The following DIAPH3 variants were observed in gnomAD, a reference collection of about 807,000 sequenced individuals.
DIAPH3 encodes the protein diaphanous related formin 3.
In DIAPH3, 117 loss-of-function variants were observed where a neutral mutation model predicts 144.3. That is an observed-to-expected ratio of 0.81 (90% CI 0.70 to 0.95). The LOEUF (loss-of-function observed/expected upper bound fraction) is 0.95. Among genes scored for constraint, DIAPH3 ranks in the 40% least tolerant of loss-of-function variants. The probability of loss-of-function intolerance (pLI) is 0.00; values close to 1 mark genes in which losing one functional copy is unlikely to be tolerated. For missense variants in DIAPH3, 1,421 were observed against 1,412.7 expected (o/e 1.01, Z -0.09); for synonymous variants, 519 against 488.9 (o/e 1.06, Z -0.81).
At chr13:60,147,038 C>T (rs1951560326) in intron 1 of DIAPH3, among the ~76,000 whole-genome samples, 1 of 152,140 alleles carries the variant, frequency 6.6e-6, no homozygotes, top group Non-Finnish European at 1.5e-5. Flanking sequence ...ATAAAATGTC[C>T]ATGTTATCTA....
At chr13:60,060,659 CT>C (rs1404197822) in intron 4 of DIAPH3, among the ~76,000 whole-genome samples, 1 of 152,024 alleles carries the variant, frequency 6.6e-6, no homozygotes, top group African/African-American at 2.4e-5. Context: ...TCTCATACGC[CT>C]TTTATATTTC....
chr13:60,021,084 T>G (rs148627437), intron 5 of DIAPH3: 4 of 152,216 alleles, frequency 2.6e-5, no homozygotes, highest in Non-Finnish European at 5.9e-5. Flanking sequence ...GGACTAAGCA[T>G]GTGTAGTAAA....
chr13:59,836,103 GT>G (rs1794301250), intron 23 of DIAPH3, among the ~76,000 whole-genome samples: 1 of 151,772 alleles, frequency 6.6e-6, no homozygotes, highest in Non-Finnish European at 1.5e-5. Context: ...AGCAAAATAA[GT>G]TTTTCTGAAA....
intron 2 of DIAPH3, among the ~76,000 whole-genome samples, chr13:60,122,149 C>T (rs1218082048): frequency 6.6e-6 from 1 of 152,142 alleles, no homozygotes; most frequent in Non-Finnish European, 1.5e-5. Flanking sequence ...AACATATTTC[C>T]TCTCTAGACA....
At chr13:59,763,155 T>C (rs1168362897) in intron 27 of DIAPH3, among the ~76,000 whole-genome samples, 1 of 152,164 alleles carries the variant, frequency 6.6e-6, no homozygotes, top group Non-Finnish European at 1.5e-5. Context: ...TCTGCTACCT[T>C]GTTTTCCATA....
chr13:60,139,617 G>C (rs1045049247), intron 1 of DIAPH3, among the ~76,000 whole-genome samples: 1 of 152,126 alleles, frequency 6.6e-6, no homozygotes, highest in Non-Finnish European at 1.5e-5. Context: ...GTTTAAGGAG[G>C]CAACATACCT....
chr13:60,028,924 T>G (rs2054580472), intron 5 of DIAPH3, among the ~76,000 whole-genome samples: 1 of 151,874 alleles, frequency 6.6e-6, no homozygotes. Flanking sequence ...CCAGGTGTGG[T>G]GGCATGCGCC....
At chr13:59,877,458 T>C (rs1753822027) in intron 21 of DIAPH3, among the ~76,000 whole-genome samples, 1 of 152,178 alleles carries the variant, frequency 6.6e-6, no homozygotes, top group Admixed American at 6.5e-5. Flanking sequence ...ATGATGGTAA[T>C]GTGCCATATA....
chr13:59,784,467 C>G (rs2038922686), intron 25 of DIAPH3, among the ~76,000 whole-genome samples: 2 of 151,802 alleles, frequency 1.3e-5, no homozygotes, highest in African/African-American at 4.8e-5. Context: ...CCTCTGCCTC[C>G]CAGGTTCAAG....
chr13:59,915,757 CTG>C (rs1263670096), intron 19 of DIAPH3, among the ~76,000 whole-genome samples: 1 of 151,990 alleles, frequency 6.6e-6, no homozygotes, highest in African/African-American at 2.4e-5. Flanking sequence ...GTAAAGGTAA[CTG>C]TAATTGAAAA....
intron 17 of DIAPH3, among the ~76,000 whole-genome samples, chr13:59,956,425 C>T (rs2049405756): frequency 6.6e-6 from 1 of 152,190 alleles, no homozygotes; most frequent in South Asian, 2.1e-4. Flanking sequence ...GGGTGCAAGC[C>T]CCAAGCCTTG....
intron 1 of DIAPH3, chr13:60,144,966 A>C (rs1262511662): frequency 6.6e-6 from 1 of 152,244 alleles, no homozygotes; most frequent in African/African-American, 2.4e-5. Flanking sequence ...ACTGAGACAG[A>C]ACCCAAGATT....
At position 59,840,065 on chromosome 13, in the gene DIAPH3, C is replaced by G. The variant is rs926599004; in HGVS notation, c.2738-617G>C. On this transcript the variant is annotated intron_variant, in intron 22 of 27. Coordinates refer to ENST00000400324, the MANE Select transcript of DIAPH3 (RefSeq NM_001042517.2). ...GAAGAAGAAATGGTAAACCAGGGCA[C>G]TGTGTCACTATGAGAATATACTAGC... is the stretch of plus-strand genomic sequence containing the variant. 4.6e-5 allele frequency among the ~76,000 whole-genome samples: 7 copies of G among 152,272 alleles called. No individual in the cohort carries two copies. In the East Asian group the frequency reaches 1.4e-3, roughly 29 times the overall value.
chr13:59,886,272 T>G (rs1005813275), intron 20 of DIAPH3, among the ~76,000 whole-genome samples: 1 of 152,104 alleles, frequency 6.6e-6, no homozygotes, highest in Non-Finnish European at 1.5e-5. Flanking sequence ...TACAAAACTA[T>G]TTGATACAAA....
At chr13:59,810,320 T>G (rs1383738818) in intron 25 of DIAPH3, among the ~76,000 whole-genome samples, 1 of 152,168 alleles carries the variant, frequency 6.6e-6, no homozygotes, top group Admixed American at 6.5e-5. Context: ...TACACATAAA[T>G]TCCATACATT....
intron 17 of DIAPH3, among the ~76,000 whole-genome samples, chr13:59,951,210 C>A (rs1350671742): frequency 6.6e-6 from 1 of 151,882 alleles, no homozygotes; most frequent in Non-Finnish European, 1.5e-5. Flanking sequence ...GGGCAGTTAC[C>A]CTCATGCTGT....
intron 24 of DIAPH3, among the ~76,000 whole-genome samples, chr13:59,814,582 A>C (rs780569448): frequency 6.6e-6 from 1 of 152,246 alleles, no homozygotes; most frequent in Non-Finnish European, 1.5e-5. Flanking sequence ...AAATGAGAAC[A>C]ACATTTTTCT....
chr13:60,119,914 T>C (rs1344340226), intron 2 of DIAPH3, among the ~76,000 whole-genome samples: 1 of 152,082 alleles, frequency 6.6e-6, no homozygotes, highest in Non-Finnish European at 1.5e-5. Context: ...TAATACTTGT[T>C]GAAGGTATGA....
intron 17 of DIAPH3, among the ~76,000 whole-genome samples, chr13:59,964,101 T>A (rs971842586): frequency 5.9e-5 from 9 of 152,024 alleles, no homozygotes; most frequent in African/African-American, 2.2e-4. Context: ...GGAAGATAAA[T>A]TCTGAGACAA....
Sources: gnomAD v4.1 joint callset for allele counts (sites outside exome capture counted in the v4.1 genomes callset) on GRCh38, gnomAD v4.1.1 for gene constraint, MANE v1.5 for transcripts, NCBI Gene and HGNC (gene_info 2026-07-23, HGNC 2026-07-21) for gene names.